FGF13: variants seen among roughly 807,000 people sequenced by gnomAD.
FGF13 encodes fibroblast growth factor homologous factor 2.
FGF13 carries 2 observed loss-of-function variants against 19.5 expected under a neutral mutation model. That is an observed-to-expected ratio of 0.10 (90% CI 0.04 to 0.32). FGF13 has a LOEUF of 0.32. Among genes scored for constraint, FGF13 ranks in the 10% least tolerant of loss-of-function variants. The pLI is 1.00. For synonymous variants in FGF13, 72 were observed against 76.9 expected, an observed-to-expected ratio of 0.94 and a Z score of 0.33; for missense variants, 113 against 192.7, an observed-to-expected ratio of 0.59 and a Z score of 2.45.
chrX:138,981,465 C>T lies in FGF13; in HGVS notation c.-112-116815G>A, dbSNP rs141731326. Among the ~76,000 whole-genome samples, 602 of 111,217 alleles carry T rather than the reference C, an allele frequency of 5.4e-3. 4 individuals carry two copies. Among genetic ancestry groups the T allele is most frequent in the African/African-American group, 0.019 (566 of 30,532 alleles). ...CAAGAATTATTCTGAAGAAATGATC[C>T]TATTTTGAGCAACCATGATATGTCA... On this transcript the variant is annotated intron_variant, in intron 1 of 2. Coordinates refer to the FGF13 transcript ENST00000421460.
chrX:139,194,664 G>A (rs995259213), intron 1 of FGF13, among the ~76,000 whole-genome samples: 6 of 111,586 alleles, frequency 5.4e-5, no homozygotes, highest in Non-Finnish European at 1.1e-4. Flanking sequence ...CTTGATAGGT[G>A]TCGCTAAGGG....
chrX:139,089,977 T>C, intron 1 of FGF13, among the ~76,000 whole-genome samples: 1 of 111,898 alleles, frequency 8.9e-6, no homozygotes, highest in Non-Finnish European at 1.9e-5. Flanking sequence ...TAACTGAGAC[T>C]ACAGGCGTAA....
intron 3 of FGF13, among the ~76,000 whole-genome samples, chrX:138,795,048 T>C (rs1007706273): frequency 9.0e-6 from 1 of 111,336 alleles, no homozygotes; most frequent in African/African-American, 3.3e-5. Flanking sequence ...GAACTCAGAG[T>C]ATAGGAGGGG....
chrX:138,808,069 C>T (rs916392377), intron 3 of FGF13, among the ~76,000 whole-genome samples: 1 of 111,527 alleles, frequency 9.0e-6, no homozygotes, highest in African/African-American at 3.3e-5. Flanking sequence ...AGGAATTGAA[C>T]TCAGCTCTGC....
intron 1 of FGF13, among the ~76,000 whole-genome samples, chrX:138,726,045 G>C (rs1304317499): frequency 9.0e-6 from 1 of 111,247 alleles, no homozygotes; most frequent in Admixed American, 9.5e-5. Flanking sequence ...CTTCAGGAAA[G>C]CTCCATCTAT....
intron 3 of FGF13, among the ~76,000 whole-genome samples, chrX:138,820,135 A>G (rs1183513719): frequency 1.8e-5 from 2 of 112,299 alleles, no homozygotes; most frequent in African/African-American, 3.2e-5. Flanking sequence ...GTGGAAAAAC[A>G]AAAATTCTTT....
intron 1 of FGF13, among the ~76,000 whole-genome samples, chrX:139,104,196 T>C (rs1282523051): frequency 9.0e-6 from 1 of 111,262 alleles, no homozygotes; most frequent in Non-Finnish European, 1.9e-5. Flanking sequence ...ATAAATACTT[T>C]TGAACAAACA....
intron 1 of FGF13, among the ~76,000 whole-genome samples, chrX:139,016,684 C>G (rs941421584): frequency 9.0e-6 from 1 of 111,607 alleles, no homozygotes; most frequent in Non-Finnish European, 1.9e-5. Context: ...CTTGAGATGA[C>G]AGTCTGTGAG....
intron 3 of FGF13, among the ~76,000 whole-genome samples, chrX:138,806,214 A>T (rs1324456464): frequency 8.9e-6 from 1 of 111,935 alleles, no homozygotes; most frequent in African/African-American, 3.2e-5. Context: ...ATAAAAATAA[A>T]CTTTCTTATG....
At chrX:139,032,415 C>A (rs1320937308) in intron 1 of FGF13, among the ~76,000 whole-genome samples, 2 of 111,254 alleles carry the variant, frequency 1.8e-5, no homozygotes, top group African/African-American at 6.5e-5. Context: ...TTGAAAACCA[C>A]CAAGTATAAC....
chrX:138,860,696 G>A (rs919136550), intron 2 of FGF13, among the ~76,000 whole-genome samples: 1 of 112,132 alleles, frequency 8.9e-6, no homozygotes, highest in Non-Finnish European at 1.9e-5. Context: ...AGCTTCCTCC[G>A]ATTTCAGAAA....
At chrX:139,032,188 T>C (rs1272765585) in intron 1 of FGF13, among the ~76,000 whole-genome samples, 1 of 111,955 alleles carries the variant, frequency 8.9e-6, no homozygotes, top group Non-Finnish European at 1.9e-5. Flanking sequence ...ACTAATTGTT[T>C]TGGCCACAGA....
At chrX:139,059,871 C>A (rs751994753) in intron 1 of FGF13, among the ~76,000 whole-genome samples, 2 of 111,435 alleles carry the variant, frequency 1.8e-5, no homozygotes, top group African/African-American at 6.5e-5. Flanking sequence ...ATACACATGC[C>A]AGGATTTCTC....
intron 3 of FGF13, among the ~76,000 whole-genome samples, chrX:138,787,395 C>T (rs1230165626): frequency 8.9e-6 from 1 of 112,015 alleles, no homozygotes; most frequent in African/African-American, 3.2e-5. Flanking sequence ...TCTCATAGTT[C>T]TTGAGGCTAG....
intron 1 of FGF13, among the ~76,000 whole-genome samples, chrX:139,054,359 G>A (rs988924643): frequency 9.1e-6 from 1 of 109,887 alleles, no homozygotes; most frequent in African/African-American, 3.3e-5. Flanking sequence ...TCCTGACCTC[G>A]TGATCCGCCC....
intron 1 of FGF13, among the ~76,000 whole-genome samples, chrX:139,072,307 A>G (rs1444234656): frequency 9.1e-6 from 1 of 109,704 alleles, no homozygotes; most frequent in East Asian, 2.9e-4. Context: ...ACACACACAC[A>G]CGGAAGAAAG....
intron 1 of FGF13, among the ~76,000 whole-genome samples, chrX:138,960,861 G>C (rs2091865883): frequency 9.0e-6 from 1 of 111,517 alleles, no homozygotes; most frequent in Non-Finnish European, 1.9e-5. Context: ...AACTCCATCA[G>C]GTCATTTAAG....
intron 1 of FGF13, among the ~76,000 whole-genome samples, chrX:139,178,182 G>A (rs1044192809): frequency 4.5e-5 from 5 of 112,289 alleles, no homozygotes; most frequent in African/African-American, 1.6e-4. Context: ...CACCTCATTA[G>A]ATAGTTCTGA....
At position 138,834,749 on chromosome X, in the gene FGF13, A is replaced by G. The variant is rs774590955; in HGVS notation, c.217+22763T>C. Among the ~76,000 whole-genome samples the G allele has an allele frequency of 1.4e-4, 15 of 110,661 alleles. No homozygotes were observed. The East Asian group carries it at 4.3e-3, about 32-fold the overall frequency. ...CTCTAGTTCTTTTAGTTGTGATGTT[A>G]GGCTGTTAACTAGAGATCTTTGTAT... On this transcript the variant is annotated intron_variant, in intron 3 of 6. Transcript: ENST00000436198.
Sources: allele counts gnomAD v4.1 joint callset (sites outside exome capture counted in the v4.1 genomes callset), GRCh38; gene constraint gnomAD v4.1.1; transcripts MANE v1.5; gene names NCBI Gene and HGNC (gene_info 2026-07-23, HGNC 2026-07-21).